Variants in ITPR1 observed in about 807,000 individuals in gnomAD.
ITPR1 encodes the protein inositol 1,4,5-trisphosphate-gated calcium channel ITPR1.
ITPR1 carries 96 observed loss-of-function variants against 318.4 expected under a neutral mutation model. The ratio of observed to expected loss-of-function variants is 0.30; its 90% CI spans 0.26 to 0.36. The LOEUF is 0.36. Among genes scored for constraint, ITPR1 ranks in the 10% least tolerant of loss-of-function variants. The pLI, the probability that ITPR1 is intolerant of heterozygous loss-of-function variation, is 1.00. For missense variants in ITPR1, 2,440 were observed against 3,460.2 expected, an observed-to-expected ratio of 0.71 and a Z score of 7.40; for synonymous variants, 1,312 against 1,289.9, an observed-to-expected ratio of 1.02 and a Z score of -0.37.
intron 51 of ITPR1, among the ~76,000 whole-genome samples, chr3:4,784,155 G>A (rs1288337440): frequency 6.6e-6 from 1 of 152,136 alleles, no homozygotes; most frequent in African/African-American, 2.4e-5. Flanking sequence ...ACGAATTCAC[G>A]AGGACAGGTG....
intron 60 of ITPR1, among the ~76,000 whole-genome samples, chr3:4,820,666 C>A (rs908364675): frequency 6.6e-6 from 1 of 152,214 alleles, no homozygotes; most frequent in South Asian, 2.1e-4. Flanking sequence ...CTTACAGCAT[C>A]AAGGAATTCT....
At chr3:4,781,330 G>C (rs1287255112) in intron 49 of ITPR1, among the ~76,000 whole-genome samples, 2 of 152,154 alleles carry the variant, frequency 1.3e-5, no homozygotes, top group African/African-American at 4.8e-5. Context: ...GAGGTTGAAG[G>C]TATTTTCTTC....
At position 4,676,688 on chromosome 3, in the gene ITPR1, T is replaced by C. The variant is rs377497261; in HGVS notation, c.2854T>C (p.Leu952=). Residue 952 remains leucine (L), a synonymous_variant, in exon 24 of 62, where the codon TTG becomes CTG. Transcript: ENST00000649015. ...GGTGGTGCTCCGGGGAGGAGGCTTT[T>C]TGCCCATGACTCCCATGGCTGCTGC... is the stretch of plus-strand genomic sequence containing the variant. The part of the protein sequence containing the change: ...TQVVLRGGGF[L]PMTPMAAAPE... 1.9e-5 allele frequency: 30 copies of C among 1,613,678 alleles called. No homozygotes were observed. The highest frequency in any genetic ancestry group is 2.4e-5 in the Non-Finnish European group (28 of 1,179,830).
chr3:4,556,569 T>C (rs1290029441), intron 4 of ITPR1, among the ~76,000 whole-genome samples: 1 of 151,856 alleles, frequency 6.6e-6, no homozygotes, highest in Non-Finnish European at 1.5e-5. Context: ...TTCCACCAGG[T>C]AGCCTTTCCT....
intron 4 of ITPR1, among the ~76,000 whole-genome samples, chr3:4,553,084 T>C (rs1005399417): frequency 6.6e-6 from 1 of 152,152 alleles, no homozygotes; most frequent in Non-Finnish European, 1.5e-5. Context: ...ATGAGTGCAC[T>C]ATAAAGAATA....
At chr3:4,637,958 A>G (rs746951092) in intron 5 of ITPR1, among the ~76,000 whole-genome samples, 24 of 152,176 alleles carry the variant, frequency 1.6e-4, no homozygotes, top group Non-Finnish European at 3.1e-4. Flanking sequence ...TCAAATGGCA[A>G]TTATGTGTCT....
At chr3:4,525,597 G>A (rs1480133487) in intron 4 of ITPR1, among the ~76,000 whole-genome samples, 1 of 152,128 alleles carries the variant, frequency 6.6e-6, no homozygotes, top group Non-Finnish European at 1.5e-5. Flanking sequence ...CCTCGTAAGG[G>A]ATGAGGAGAG....
chr3:4,712,815 G>A (rs988951236), intron 39 of ITPR1, among the ~76,000 whole-genome samples: 4 of 152,150 alleles, frequency 2.6e-5, no homozygotes, highest in African/African-American at 9.7e-5. Context: ...AACAGAAAAC[G>A]GATTTTGCAG....
intron 61 of ITPR1, among the ~76,000 whole-genome samples, chr3:4,843,895 G>T (rs1340751992): frequency 6.6e-6 from 1 of 152,138 alleles, no homozygotes; most frequent in Non-Finnish European, 1.5e-5. Flanking sequence ...TGAAGAGAAA[G>T]ACTAACTGAC....
chr3:4,647,277 C>G (rs79165717), intron 10 of ITPR1, among the ~76,000 whole-genome samples: 4,983 of 152,226 alleles, frequency 0.033, 280 homozygotes, highest in East Asian at 0.27. Flanking sequence ...GGATACACCA[C>G]AATTTGCTAA....
intron 2 of ITPR1, among the ~76,000 whole-genome samples, chr3:4,499,761 A>G (rs1559343942): frequency 6.6e-6 from 1 of 152,180 alleles, no homozygotes; most frequent in African/African-American, 2.4e-5. Flanking sequence ...TTGGGGTACC[A>G]TAATTTGGTA....
chr3:4,777,618 G>A (rs959347264), intron 48 of ITPR1, among the ~76,000 whole-genome samples: 2 of 152,158 alleles, frequency 1.3e-5, no homozygotes, highest in African/African-American at 4.8e-5. Flanking sequence ...AAGATTCCTT[G>A]CTCCAAGCTA....
intron 44 of ITPR1, 141 bp from the exon 45 acceptor site, chr3:4,766,389 T>G: frequency 3.2e-6 from 2 of 618,368 alleles, no homozygotes; most frequent in East Asian, 2.7e-5. Flanking sequence ...GTGTGTGGAG[T>G]GGTCCTTAAT....
At position 4,717,420 on chromosome 3, in the gene ITPR1, TG is replaced by T. The variant is rs777241641; in HGVS notation, c.5136+22del. The T allele has an allele frequency of 4.4e-6, 7 of 1,579,094 alleles. No individual in the cohort carries two copies. In the African/African-American group the frequency reaches 5.4e-5, roughly 12 times the overall value. On this transcript the variant is annotated intron_variant, in intron 40 of 61. Transcript: ENST00000649015. ...CTGAGGTCCTAATTTTGTTGTTTTT[TG>T]TTTTTCATGTCTCATGGTGGTGTTT... is the stretch of plus-strand genomic sequence containing the variant.
intron 31 of ITPR1, among the ~76,000 whole-genome samples, chr3:4,689,919 A>G (rs1026316994): frequency 6.6e-6 from 1 of 152,234 alleles, no homozygotes; most frequent in East Asian, 1.9e-4. Flanking sequence ...GTTCTCAACA[A>G]AGAATTCATA....
At chr3:4,493,920 G>A (rs1315762601) in intron 1 of ITPR1, among the ~76,000 whole-genome samples, 1 of 150,132 alleles carries the variant, frequency 6.7e-6, no homozygotes, top group Non-Finnish European at 1.5e-5. Context: ...AGAGGTTGTG[G>A]GGGTGTCATA....
chr3:4,683,300 A>G lies in ITPR1; in HGVS notation c.3162-86A>G. ...TGGAGATCACAGTGCTAGAAATGCA[A>G]CTAGGTTAGGTGCATCTGGGCCCAA... On this transcript the variant is annotated intron_variant, in intron 26 of 61. Coordinates refer to ENST00000649015, the MANE Select transcript of ITPR1 (RefSeq NM_001378452.1). The G allele has an allele frequency of 1.2e-5, 16 of 1,310,198 alleles. No individual in the cohort carries two copies. In the South Asian group the frequency reaches 1.9e-4, roughly 15 times the overall value. 81.2% of individuals were successfully genotyped at this position (1,310,198 alleles called of 1,614,324 possible). A position where few individuals can be genotyped will look rare whatever the true frequency, so the allele number is the denominator to read the frequency against.
At chr3:4,520,699 C>A (rs556123604) in intron 3 of ITPR1, among the ~76,000 whole-genome samples, 2 of 152,200 alleles carry the variant, frequency 1.3e-5, no homozygotes, top group Admixed American at 1.3e-4. Context: ...CCTCAGCTAC[C>A]CTTAGTTGAA....
chr3:4,552,378 A>G (rs2085656096), intron 4 of ITPR1, among the ~76,000 whole-genome samples: 3 of 152,192 alleles, frequency 2.0e-5, no homozygotes, highest in Admixed American at 1.3e-4. Flanking sequence ...TTGGATTCCT[A>G]TGACCACCTC....
Sources: allele counts gnomAD v4.1 joint callset (sites outside exome capture counted in the v4.1 genomes callset), GRCh38; gene constraint gnomAD v4.1.1; transcripts MANE v1.5; gene names NCBI Gene and HGNC (gene_info 2026-07-23, HGNC 2026-07-21).